POLR2B: variants seen among roughly 807,000 people sequenced by gnomAD.
The protein encoded by POLR2B is RNA polymerase II subunit B, also known as DNA-directed RNA polymerase II subunit RPB2.
In POLR2B, 57 loss-of-function variants were observed where a neutral mutation model predicts 144.6. That is an observed-to-expected ratio of 0.39 (90% CI 0.32 to 0.49). POLR2B has a LOEUF of 0.49. Among genes scored for constraint, POLR2B ranks in the 20% least tolerant of loss-of-function variants. The pLI is 0.83. For missense variants in POLR2B, 595 were observed against 1,467.4 expected (o/e 0.41, Z 9.71); for synonymous variants, 442 against 469.8 (o/e 0.94, Z 0.77).
intron 6 of POLR2B, 73 bp from the exon 7 acceptor site, chr4:56,999,544 T>C (rs1162198501): frequency 1.1e-6 from 1 of 932,822 alleles, no homozygotes. Context: ...ATATATTAAA[T>C]AGTTCTCTTG....
At chr4:56,986,009 T>A (rs552315810) in intron 1 of POLR2B, among the ~76,000 whole-genome samples, 188 of 152,354 alleles carry the variant, frequency 1.2e-3, no homozygotes, top group Non-Finnish European at 1.6e-3. Context: ...TTGCCCCACC[T>A]TAGGGTATTG....
chr4:57,010,145 C>T (rs41556916), intron 10 of POLR2B: 28,672 of 479,720 alleles, frequency 0.06, 1,641 homozygotes, highest in Admixed American at 0.2. Context: ...AGACCATAAA[C>T]AGAATGTTTA....
chr4:57,007,357 G>T (rs1723054205), intron 10 of POLR2B, among the ~76,000 whole-genome samples: 1 of 152,176 alleles, frequency 6.6e-6, no homozygotes. Context: ...GGAGGTTGCA[G>T]TGAGCTGAGA....
At chr4:56,994,592 A>G in intron 4 of POLR2B, 55 bp from the exon 5 acceptor site, 5 of 1,458,046 alleles carry the variant, frequency 3.4e-6, no homozygotes, top group Non-Finnish European at 4.8e-6. Context: ...CCACTTGAGG[A>G]TTTGTTTTAA....
Position 57,006,843 on chromosome 4 carries a change from G to A in POLR2B, c.1245G>A (p.Val415=). The change falls in exon 10 of 25, where the codon GTG becomes GTA. Residue 415 remains valine (V), a synonymous_variant. Coordinates refer to ENST00000314595, the MANE Select transcript of POLR2B (RefSeq NM_000938.3). ...RGMFKNLLKE[V]RIYAQKFIDR... ...TGTTTAAGAATTTGCTTAAAGAAGT[G>A]CGGATCTATGCACAGAAATTTATTG... is the stretch of plus-strand genomic sequence containing the variant. The A allele has an allele frequency of 6.2e-7, 1 of 1,613,310 alleles. No homozygotes were observed. Among genetic ancestry groups the A allele is most frequent in the Non-Finnish European group, 8.5e-7 (1 of 1,179,480 alleles).
Position 57,017,635 on chromosome 4 carries a change from A to C in POLR2B, c.2230A>C (p.Met744Leu), listed in dbSNP as rs1723412620. Reference protein sequence around the residue: ...GVYITNFHVRMDTLAHVLYYP... With the variant: ...GVYITNFHVRLDTLAHVLYYP... ...TTACATCACCAACTTCCATGTTCGC[A>C]TGGACACATTGGCCCATGTTCTCTA... Residue 744 changes from methionine (M) to leucine (L), a missense_variant, in exon 16 of 25, where the codon ATG (methionine) becomes CTG (leucine). Coordinates refer to ENST00000314595, the MANE Select transcript of POLR2B (RefSeq NM_000938.3). This position sits in a 1 kb window ranked among gnomAD's most constrained non-coding sequence, Gnocchi z 4.8. 8.1e-6 allele frequency: 13 copies of C among 1,613,626 alleles called. No individual in the cohort carries two copies. Among genetic ancestry groups the C allele is most frequent in the Non-Finnish European group, 9.3e-6 (11 of 1,179,544 alleles).
intron 7 of POLR2B, among the ~76,000 whole-genome samples, chr4:57,004,093 C>T (rs932593665): frequency 2.5e-5 from 3 of 118,304 alleles, no homozygotes; most frequent in African/African-American, 6.6e-5. Context: ...GTGTCATGAT[C>T]TTGGCTCACT....
intron 1 of POLR2B, among the ~76,000 whole-genome samples, chr4:56,984,971 T>TA (rs1722272436): frequency 6.6e-6 from 1 of 152,188 alleles, no homozygotes; most frequent in South Asian, 2.1e-4. Flanking sequence ...GGTTAGGATT[T>TA]TGGACAGGGC....
In POLR2B at chr4:56,981,254, C is replaced by A. The variant is rs73242624; in HGVS notation, c.19+2250C>A. Among the ~76,000 whole-genome samples, 6 of 151,888 alleles carry A rather than the reference C, an allele frequency of 4.0e-5. No homozygotes were observed. The East Asian group carries it at 7.7e-4, about 20-fold the overall frequency. ...AGTACACAGAAAGCATCGCGCCCCC[C>A]CTCCCGTGTCCCCACCCCCAGTTAC... On this transcript the variant is annotated intron_variant, in intron 1 of 24. Transcript: ENST00000314595.
intron 1 of POLR2B, 90 bp downstream of exon 1, chr4:56,979,094 C>T: frequency 1.5e-6 from 2 of 1,327,380 alleles, no homozygotes; most frequent in Non-Finnish European, 2.2e-6. Flanking sequence ...GGGGCCTTCC[C>T]ATGCGCCGGC....
At chr4:56,991,818 G>C (rs1238561741) in intron 3 of POLR2B, among the ~76,000 whole-genome samples, 1 of 151,960 alleles carries the variant, frequency 6.6e-6, no homozygotes, top group Admixed American at 6.6e-5. Flanking sequence ...CACCATGCTT[G>C]GCTAATTTTT....
chr4:57,016,463 C>T (rs1278452113), intron 14 of POLR2B, among the ~76,000 whole-genome samples: 1 of 151,782 alleles, frequency 6.6e-6, no homozygotes, highest in African/African-American at 2.4e-5. Flanking sequence ...ATCACTTGAG[C>T]CCAGGAGTAG....
intron 3 of POLR2B, among the ~76,000 whole-genome samples, chr4:56,992,464 CAAAAAAAAA>C (rs1209234628): frequency 1.2e-4 from 2 of 17,138 alleles, no homozygotes; most frequent in East Asian, 3.3e-3. Flanking sequence ...GACTCTGTCT[CAAAAAAAAA>C]AAAAAAAAAA....
chr4:57,010,090 A>G (rs1029898456), intron 10 of POLR2B: 2 of 341,040 alleles, frequency 5.9e-6, no homozygotes, highest in Admixed American at 4.4e-5. Context: ...ACAATTTTAA[A>G]AAATTCCCTG....
intron 7 of POLR2B, among the ~76,000 whole-genome samples, chr4:57,003,901 C>T (rs989989678): frequency 2.0e-5 from 3 of 151,600 alleles, no homozygotes; most frequent in African/African-American, 7.3e-5. Flanking sequence ...GTGGTGTTGT[C>T]TGTACTCCTC....
At chr4:57,028,202 G>T (rs1321653004) in intron 23 of POLR2B, among the ~76,000 whole-genome samples, 1 of 152,176 alleles carries the variant, frequency 6.6e-6, no homozygotes, top group Admixed American at 6.5e-5. Flanking sequence ...GATACTCCAT[G>T]TTAAAAGGGA....
chr4:56,999,049 G>T (rs757235499), intron 6 of POLR2B, among the ~76,000 whole-genome samples: 1 of 152,074 alleles, frequency 6.6e-6, no homozygotes, highest in Non-Finnish European at 1.5e-5. Flanking sequence ...TTGTATATGC[G>T]TACAATTAAA....
intron 17 of POLR2B, 101 bp downstream of exon 17, chr4:57,021,096 A>T: frequency 4.2e-6 from 3 of 708,760 alleles, no homozygotes; most frequent in Non-Finnish European, 7.7e-6. Context: ...GCCGCACTCC[A>T]GAAAGTGGAA....
rs775947022 is a variant in POLR2B, at chr4:57,023,624, C to A, written c.2767-38C>A. ...ATGTAGCTAGTTTTAGAAAGTAAAC[C>A]AAATCCACTTAACTAACTTATTTTT... On this transcript the variant is annotated intron_variant, in intron 19 of 24. Coordinates refer to ENST00000314595, the MANE Select transcript of POLR2B (RefSeq NM_000938.3). The surrounding 1 kb of genome is among the most constrained non-coding windows in gnomAD (Gnocchi z 4.3). 2.5e-6 allele frequency: 4 copies of A among 1,610,310 alleles called. No homozygotes were observed. Among genetic ancestry groups the A allele is most frequent in the Admixed American group, 1.7e-5 (1 of 59,778 alleles).
Sources: allele counts gnomAD v4.1 joint callset (sites outside exome capture counted in the v4.1 genomes callset), GRCh38; gene constraint gnomAD v4.1.1; non-coding constraint Gnocchi (gnomAD v3.1); transcripts MANE v1.5; gene names NCBI Gene and HGNC (gene_info 2026-07-23, HGNC 2026-07-21).